AP1M2: variants seen among roughly 807,000 people sequenced by gnomAD.
AP1M2 encodes adaptor related protein complex 1 subunit mu 2, also known as AP-1 complex subunit mu-2.
A neutral mutation model predicts 54.6 loss-of-function variants in AP1M2; 41 were observed. The observed-to-expected ratio is 0.75, with a 90% confidence interval of 0.59 to 0.97. The LOEUF (loss-of-function observed/expected upper bound fraction) is 0.97. AP1M2 is among the 50% of genes least tolerant of loss of function. AP1M2 has a pLI of 0.00. For synonymous variants in AP1M2, 219 were observed against 215.9 expected, an observed-to-expected ratio of 1.01 and a Z score of -0.13; for missense variants, 507 against 561.2, an observed-to-expected ratio of 0.90 and a Z score of 0.98.
rs386388547 is a variant in AP1M2 at position 10,577,423 on chromosome 19, CTTTTTTTTTTTTTTTT to C, written c.889-83_889-68del. On this transcript the variant is annotated intron_variant, in intron 8 of 11. Coordinates refer to ENST00000250244, the MANE Select transcript of AP1M2 (RefSeq NM_005498.5). ...TCATCCTTCAAATATTTACCAAGCC[CTTTTTTTTTTTTTTTT>C]TTTTTTTTTTTTGAGACGGAGTCTC... 6.5e-5 allele frequency: 24 copies of C among 371,222 alleles called. 1 individual carries two copies. Among genetic ancestry groups the C allele is most frequent in the African/African-American group, 4.5e-4 (10 of 22,430 alleles). The allele number at this position is 371,222 out of a possible 1,614,324, so 23.0% of individuals were successfully genotyped here.
chr19:10,586,453 TAA>T (rs59380384), intron 1 of AP1M2, among the ~76,000 whole-genome samples: 13 of 119,668 alleles, frequency 1.1e-4, no homozygotes, highest in Non-Finnish European at 1.0e-4. Flanking sequence ...AGACTCTATT[TAA>T]AAAAAAAAAA....
chr19:10,573,139 C>A lies in AP1M2; in HGVS notation c.1250-51G>T. ...CATCTCAGAAATGGGGAGAGGGGGG[C>A]CGGGCACGGTGACTCACGCTTATAA... On this transcript the variant is annotated intron_variant, in intron 11 of 11. Coordinates refer to ENST00000250244, the MANE Select transcript of AP1M2 (RefSeq NM_005498.5). 2.6e-6 allele frequency: 4 copies of A among 1,513,538 alleles called. No individual in the cohort carries two copies. The South Asian group carries it at 4.8e-5, about 18-fold the overall frequency. The allele number at this position is 1,513,538 out of a possible 1,614,324, so 93.8% of individuals were successfully genotyped here.
intron 3 of AP1M2, 102 bp downstream of exon 3, chr19:10,583,504 T>A: frequency 1.1e-6 from 1 of 876,914 alleles, no homozygotes; most frequent in South Asian, 2.0e-5. Context: ...CCCAGGGAGA[T>A]CTGGGAAGGC....
Position 10,581,848 on chromosome 19 carries a change from C to G in AP1M2, c.298G>C (p.Glu100Gln). The G allele has an allele frequency of 6.2e-7, 1 of 1,613,750 alleles. No individual in the cohort carries two copies. The highest frequency in any genetic ancestry group is 8.5e-7 in the Non-Finnish European group (1 of 1,179,920). The part of the protein sequence containing the change: ...VFCEYFKELE[E>Q]ESIRDNFVIV... ...ACAAAGTTGTCCCGGATGCTCTCCTCCTCCAGCTCCTTGAAGTATTCGCAG... is the reference window on the plus strand; with the variant it reads ...ACAAAGTTGTCCCGGATGCTCTCCTGCTCCAGCTCCTTGAAGTATTCGCAG... Residue 100 changes from glutamate (E) to glutamine (Q), a missense_variant, in exon 4 of 12, where the codon GAG (glutamate) becomes CAG (glutamine). Transcript: ENST00000250244.
chr19:10,583,865 G>A (rs371305787), intron 2 of AP1M2, 49 bp downstream of exon 2: 11 of 1,553,592 alleles, frequency 7.1e-6, no homozygotes, highest in African/African-American at 5.4e-5. Context: ...TGCCACCATC[G>A]CCGACAGCCC....
In AP1M2 at chr19:10,574,999, A is replaced by C. The variant is rs1278286066; in HGVS notation, c.1078T>G (p.Phe360Val). 6.5e-7 allele frequency: 1 copy of C among 1,547,446 alleles called. No individual in the cohort carries two copies. The highest frequency in any genetic ancestry group is 1.2e-5 in the South Asian group (1 of 82,696). Residue 360 changes from phenylalanine to valine, a missense_variant, in exon 10 of 12, where the codon TTT becomes GTT. Transcript: ENST00000250244. ...TCCTTTTCCACACTGGGGAGGCCAAAGTGGGCTCGCATCAAGTACTCCTTG... is the reference window on the plus strand; with the variant it reads ...TCCTTTTCCACACTGGGGAGGCCAACGTGGGCTCGCATCAAGTACTCCTTG... ...GGKEYLMRAHFGLPSVEKEEV... is the reference protein window; with the variant it reads ...GGKEYLMRAHVGLPSVEKEEV...
At chr19:10,583,497 A>C in intron 3 of AP1M2, 109 bp downstream of exon 3, 5 of 816,184 alleles carry the variant, frequency 6.1e-6, no homozygotes, top group Non-Finnish European at 9.7e-6. Context: ...GGGAAGACCC[A>C]GGGAGATCTG....
At chr19:10,579,047 C>CTCTGTCTCAAAGAA in intron 7 of AP1M2, 84 bp from the exon 8 acceptor site, 2 of 1,048,786 alleles carry the variant, frequency 1.9e-6, no homozygotes, top group Non-Finnish European at 2.7e-6. Context: ...TTCTTTGAGA[C>CTCTGTCTCAAAGAA]AGAGTCTCGC....
intron 8 of AP1M2, 21 bp from the exon 9 acceptor site, chr19:10,577,377 G>C: frequency 6.3e-7 from 1 of 1,578,462 alleles, no homozygotes; most frequent in Non-Finnish European, 8.6e-7. Context: ...AGCGAGCATG[G>C]GGCACGAAGA....
At chr19:10,578,438 C>T (rs1471871551) in intron 8 of AP1M2, among the ~76,000 whole-genome samples, 3 of 152,022 alleles carry the variant, frequency 2.0e-5, no homozygotes, top group Admixed American at 6.6e-5. Flanking sequence ...GCTGAGATCA[C>T]ACCACTGCAC....
Position 10,581,470 on chromosome 19 carries a change from G to A in AP1M2, c.546+17C>T, listed in dbSNP as rs765510447. The A allele has an allele frequency of 6.2e-7, 1 of 1,612,984 alleles. No homozygotes were observed. Among genetic ancestry groups the A allele is most frequent in the Admixed American group, 1.7e-5 (1 of 59,988 alleles). On this transcript the variant is annotated intron_variant, in intron 5 of 11. Transcript: ENST00000250244. ...GCCAGGCCGTGGAAGGGGTGCCGGG[G>A]AGGTGTGCAGGCTCACCAGCAGGTT...
chr19:10,586,189 A>G (rs1330921208), intron 1 of AP1M2, among the ~76,000 whole-genome samples: 1 of 152,002 alleles, frequency 6.6e-6, no homozygotes, highest in East Asian at 1.9e-4. Context: ...AGGCTGAGGA[A>G]GGAGAATCAC....
At chr19:10,584,838 T>C (rs1429462011) in intron 1 of AP1M2, 2 of 151,942 alleles carry the variant, frequency 1.3e-5, no homozygotes, top group Admixed American at 1.3e-4. Flanking sequence ...AAACTGGGGA[T>C]TGATCTAAGG....
intron 9 of AP1M2, among the ~76,000 whole-genome samples, 154 bp from the exon 10 acceptor site, chr19:10,575,183 G>C (rs1560712): frequency 0.96 from 146,231 of 152,090 alleles, 70,337 homozygotes; most frequent in East Asian, 1. Flanking sequence ...GAGATACCAT[G>C]TCTACAAAAA....
At position 10,584,598 on chromosome 19, in the gene AP1M2, G is replaced by T. The variant is rs370651657; in HGVS notation, c.43-528C>A. 4.8e-4 allele frequency among the ~76,000 whole-genome samples: 73 copies of T among 150,582 alleles called. 6 individuals are homozygous for T. The South Asian group carries it at 0.015, about 31-fold the overall frequency. On this transcript the variant is annotated intron_variant, in intron 1 of 11. Coordinates refer to ENST00000250244, the MANE Select transcript of AP1M2 (RefSeq NM_005498.5). ...CATCTCAAAAGAAGAAAGAGAGAAA[G>T]AAAGAAAGAAAGAAAGTAAAGAAGG... is the stretch of plus-strand genomic sequence containing the variant.
chr19:10,573,548 T>C (rs554683499), intron 11 of AP1M2, among the ~76,000 whole-genome samples: 11 of 151,764 alleles, frequency 7.2e-5, no homozygotes, highest in East Asian at 3.9e-4. Context: ...ACTGTAACCA[T>C]AGAAACAAGG....
intron 10 of AP1M2, 63 bp downstream of exon 10, chr19:10,574,841 G>A (rs769271733): frequency 1.3e-6 from 2 of 1,533,190 alleles, no homozygotes; most frequent in African/African-American, 1.4e-5. Context: ...TCGAGCCAAG[G>A]GACAGGAGAG....
intron 7 of AP1M2, 52 bp from the exon 8 acceptor site, chr19:10,579,015 C>A: frequency 4.5e-4 from 336 of 742,648 alleles, no homozygotes; most frequent in Middle Eastern, 8.9e-4. Flanking sequence ...TGACTCTCTT[C>A]TTTTTTTTTT....
chr19:10,587,031 G>A, intron 1 of AP1M2, 159 bp downstream of exon 1: 1 of 785,484 alleles, frequency 1.3e-6, no homozygotes, highest in Non-Finnish European at 2.0e-6. Flanking sequence ...CTTGGCCTCA[G>A]GCACAAGGCG....
Sources: gnomAD v4.1 joint callset for allele counts (sites outside exome capture counted in the v4.1 genomes callset) on GRCh38, gnomAD v4.1.1 for gene constraint, MANE v1.5 for transcripts, NCBI Gene and HGNC (gene_info 2026-07-23, HGNC 2026-07-21) for gene names.